The following SPATA33 variants were observed in gnomAD, a reference collection of about 807,000 sequenced individuals.
SPATA33 encodes the protein spermatogenesis-associated protein 33.
SPATA33 carries 10 observed loss-of-function variants against 8.9 expected under a neutral mutation model. That is an observed-to-expected ratio of 1.12 (90% confidence interval 0.69 to 1.90). SPATA33 has a LOEUF of 1.90. SPATA33 is among the 40% of genes most tolerant of loss of function. The pLI, the probability that SPATA33 is intolerant of heterozygous loss-of-function variation, is 0.00. For synonymous variants in SPATA33, 96 were observed against 72.8 expected, an observed-to-expected ratio of 1.32 and a Z score of -1.63; for missense variants, 241 against 178.3, an observed-to-expected ratio of 1.35 and a Z score of -2.00.
chr16:89,657,813 C>G, upstream of SPATA33: 1 of 1,493,322 alleles, frequency 6.7e-7, no homozygotes, highest in Non-Finnish European at 8.9e-7. Context: ...TGGTGACGCA[C>G]GCCGCTGGCG....
chr16:89,658,004 A>AGGGCG (rs2059904100), intron 1 of SPATA33, 56 bp downstream of exon 1: 1 of 1,500,972 alleles, frequency 6.7e-7, no homozygotes, highest in African/African-American at 1.5e-5. Context: ...GCGCGGGCCC[A>AGGGCG]GGGCGGGGCT....
In SPATA33 at chr16:89,669,943, C is replaced by T. The variant is rs1463059321; in HGVS notation, c.*446C>T. On this transcript the variant is annotated 3_prime_UTR_variant, in exon 3 of 3. Coordinates refer to ENST00000579310, the MANE Select transcript of SPATA33 (RefSeq NM_001271907.2). Reference sequence around the variant, plus strand: ...GGGAGGGTGCACCAGGGCTGCCCCACGCTGTAAGAAGCCGCCGCCCCCTTC... The same window carrying T: ...GGGAGGGTGCACCAGGGCTGCCCCATGCTGTAAGAAGCCGCCGCCCCCTTC... 25 of 175,564 alleles carry T rather than the reference C, an allele frequency of 1.4e-4. No homozygotes were observed. Among genetic ancestry groups the T allele is most frequent in the African/African-American group, 3.8e-4 (15 of 39,408 alleles). 10.9% of individuals were successfully genotyped at this position (175,564 alleles called of 1,614,324 possible). A position where few individuals can be genotyped will look rare whatever the true frequency, so the allele number is the denominator to read the frequency against.
At chr16:89,660,496 A>G (rs2059952797) in intron 2 of SPATA33, 3 of 1,231,820 alleles carry the variant, frequency 2.4e-6, no homozygotes. Flanking sequence ...GAGTGAGAAC[A>G]GAGTTTCAGC....
In SPATA33 at chr16:89,658,378, G is replaced by A; in HGVS notation, c.168G>A (p.Gly56=). ...SEKPVDSLHP[G]AGTAKHPPPA... ...AGCCTGTGGACAGCCTCCACCCGGG[G>A]GCCGGGACAGCCAAGCACCCGCCGC... is the stretch of plus-strand genomic sequence containing the variant. Residue 56 remains glycine, a synonymous_variant, in exon 2 of 3, where the codon GGG becomes GGA. Coordinates refer to ENST00000579310, the MANE Select transcript of SPATA33 (RefSeq NM_001271907.2). The A allele has an allele frequency of 3.1e-6, 5 of 1,612,996 alleles. No individual in the cohort carries two copies. The highest frequency in any genetic ancestry group is 4.2e-6 in the Non-Finnish European group (5 of 1,179,836).
chr16:89,664,549 C>T (rs2060000540), intron 2 of SPATA33, among the ~76,000 whole-genome samples: 1 of 151,932 alleles, frequency 6.6e-6, no homozygotes, highest in African/African-American at 2.4e-5. Flanking sequence ...GTAAAAGTGT[C>T]AGAGGCTCTT....
At chr16:89,660,615 A>C in intron 2 of SPATA33, 1 of 1,128,620 alleles carries the variant, frequency 8.9e-7, no homozygotes, top group Non-Finnish European at 1.1e-6. Context: ...AAGGTGGGAC[A>C]CTGAGTGAGA....
intron 2 of SPATA33, chr16:89,661,011 A>G: frequency 1.0e-6 from 1 of 992,026 alleles, no homozygotes; most frequent in Non-Finnish European, 1.2e-6. Flanking sequence ...ACATGCCTCC[A>G]ACTGCCTGGA....
At position 89,657,923 on chromosome 16, in the gene SPATA33, C is replaced by G; in HGVS notation, c.12C>G (p.Ser4=). The G allele has an allele frequency of 2.0e-6, 3 of 1,518,790 alleles. No homozygotes were observed. The South Asian group carries it at 3.6e-5, about 18-fold the overall frequency. The allele number at this position is 1,518,790 out of a possible 1,614,324, so 94.1% of individuals were successfully genotyped here. A position where few individuals can be genotyped will look rare whatever the true frequency, so the allele number is the denominator to read the frequency against. The change falls in exon 1 of 3, where the codon TCC becomes TCG. Residue 4 remains serine, a synonymous_variant. Coordinates refer to ENST00000579310, the MANE Select transcript of SPATA33 (RefSeq NM_001271907.2). The stretch of plus-strand genomic sequence containing the variant: ...CGGTGGGCTCACCCATGGGCCTTTC[C>G]AAAAGCAAAGAGAAACCCAGGAAAG... The part of the protein sequence containing the change: MGL[S]KSKEKPRKGE...
chr16:89,663,538 C>T (rs188889557), intron 2 of SPATA33, among the ~76,000 whole-genome samples: 94 of 152,282 alleles, frequency 6.2e-4, no homozygotes, highest in African/African-American at 2.0e-3. Context: ...AGCCACCATA[C>T]CCGGCCGTGA....
intron 2 of SPATA33, among the ~76,000 whole-genome samples, 156 bp from the exon 3 acceptor site, chr16:89,669,130 A>C (rs1475278577): frequency 6.6e-6 from 1 of 152,168 alleles, no homozygotes; most frequent in Non-Finnish European, 1.5e-5. Context: ...AAGCCCTGTA[A>C]TGTTCATGGA....
At chr16:89,663,302 G>T (rs1028803719) in intron 2 of SPATA33, among the ~76,000 whole-genome samples, 1 of 148,608 alleles carries the variant, frequency 6.7e-6, no homozygotes, top group Non-Finnish European at 1.5e-5. Context: ...TGCAACCTTG[G>T]TCTCCCGGGT....
chr16:89,661,227 C>T, intron 2 of SPATA33: 8 of 984,922 alleles, frequency 8.1e-6, no homozygotes, highest in Non-Finnish European at 9.6e-6. Flanking sequence ...TTGGCTGTGT[C>T]CTCACCCAAA....
chr16:89,668,306 C>T (rs1206750491), intron 2 of SPATA33, among the ~76,000 whole-genome samples: 3 of 152,132 alleles, frequency 2.0e-5, no homozygotes, highest in Non-Finnish European at 2.9e-5. Flanking sequence ...AGCGAGACTC[C>T]GTCTCAAAAA....
At chr16:89,665,541 C>T (rs1386577934) in intron 2 of SPATA33, among the ~76,000 whole-genome samples, 1 of 137,516 alleles carries the variant, frequency 7.3e-6, no homozygotes, top group Non-Finnish European at 1.6e-5. Context: ...GTCTTAATTT[C>T]CTGACCTCGT....
intron 2 of SPATA33, 44 bp from the exon 3 acceptor site, chr16:89,669,242 G>A (rs747567960): frequency 1.3e-6 from 2 of 1,567,856 alleles, no homozygotes; most frequent in Non-Finnish European, 8.8e-7. Context: ...CGTGGAAGGA[G>A]CTTTCCACAC....
chr16:89,661,805 G>A (rs886505870), intron 2 of SPATA33, among the ~76,000 whole-genome samples: 1 of 152,128 alleles, frequency 6.6e-6, no homozygotes, highest in Admixed American at 6.6e-5. Flanking sequence ...GGGTATCTGA[G>A]GATGAGTCAG....
At chr16:89,663,857 G>A (rs1350054627) in intron 2 of SPATA33, among the ~76,000 whole-genome samples, 1 of 152,164 alleles carries the variant, frequency 6.6e-6, no homozygotes, top group African/African-American at 2.4e-5. Flanking sequence ...AGTGGCTCAC[G>A]CCTGTAATTT....
At chr16:89,660,854 G>A (rs1040699262) in intron 2 of SPATA33, 2 of 1,142,660 alleles carry the variant, frequency 1.8e-6, no homozygotes, top group Non-Finnish European at 2.1e-6. Context: ...TCCAGCCCAG[G>A]AGCCAGACCT....
rs2151537584 is a variant in SPATA33, at chr16:89,670,392, GTGAC to G, written c.*898_*901del. On this transcript the variant is annotated 3_prime_UTR_variant, in exon 3 of 3. Coordinates refer to ENST00000579310, the MANE Select transcript of SPATA33 (RefSeq NM_001271907.2). ...TGCTAGCAGCTCGGTCGAGGCAAGA[GTGAC>G]TGGCTCAGAGAGCGAGCTTTGTGGT... 1 of 152,502 alleles carries G rather than the reference GTGAC, an allele frequency of 6.6e-6. No homozygotes were observed. The highest frequency in any genetic ancestry group is 2.4e-5 in the African/African-American group (1 of 41,580). The allele number at this position is 152,502 out of a possible 1,614,324, so 9.4% of individuals were successfully genotyped here. A position where few individuals can be genotyped will look rare whatever the true frequency, so the allele number is the denominator to read the frequency against.
Sources: allele counts gnomAD v4.1 joint callset (sites outside exome capture counted in the v4.1 genomes callset), GRCh38; gene constraint gnomAD v4.1.1; transcripts MANE v1.5; gene names NCBI Gene and HGNC (gene_info 2026-07-23, HGNC 2026-07-21).